Variants in LHX6 observed in about 807,000 individuals in gnomAD.
LHX6 encodes the protein LIM/homeobox protein Lhx6.
LHX6 carries 15 observed loss-of-function variants against 47.1 expected under a neutral mutation model. That is an observed-to-expected ratio of 0.32 (90% CI 0.21 to 0.49). LHX6 has a LOEUF of 0.49. LHX6 is among the 20% of genes least tolerant of loss of function. The pLI is 0.99. For missense variants in LHX6, 404 were observed against 539.6 expected (o/e 0.75, Z 2.49); for synonymous variants, 242 against 233.5 (o/e 1.04, Z -0.33).
chr9:122,209,471 G>GC, intron 9 of LHX6, 143 bp downstream of exon 9: 1 of 1,237,106 alleles, frequency 8.1e-7, no homozygotes, highest in East Asian at 2.5e-5. Flanking sequence ...TGCTGTGGGG[G>GC]TGCGGTGGGG....
chr9:122,226,996 A>G lies in LHX6; in HGVS notation c.191T>C (p.Leu64Pro). ...QSDAEALAGA[L>P]DKDEGQASPC... Reference sequence around the variant, plus strand: ...GGAGGCCTGACCCTCGTCCTTGTCCAGAGCTCCTGCCAGGGCCTCGGCGTC... The same window carrying G: ...GGAGGCCTGACCCTCGTCCTTGTCCGGAGCTCCTGCCAGGGCCTCGGCGTC... Residue 64 changes from leucine (L) to proline (P), a missense_variant, in exon 3 of 10, where the codon CTG becomes CCG. By Grantham distance (98) the Leu-to-Pro change is moderately conservative. Around this residue, in one of 7 missense-constraint regions of LHX6, gnomAD observed 144 missense variants for 128.7 expected, o/e 1.12. Transcript: ENST00000394319. This position sits in a 1 kb window ranked among gnomAD's most constrained non-coding sequence, Gnocchi z 6.5. 6.5e-7 allele frequency: 1 copy of G among 1,530,134 alleles called. No homozygotes were observed. Among genetic ancestry groups the G allele is most frequent in the Non-Finnish European group, 8.8e-7 (1 of 1,135,922 alleles). 94.8% of individuals were successfully genotyped at this position (1,530,134 alleles called of 1,614,324 possible).
rs1192093518 is a variant in LHX6 at position 122,214,410 on chromosome 9, C to A, written c.683-27G>T. The A allele has an allele frequency of 3.9e-6, 6 of 1,533,918 alleles. No individual in the cohort carries two copies. Among genetic ancestry groups the A allele is most frequent in the Non-Finnish European group, 5.2e-6 (6 of 1,145,578 alleles). ...TGGGGGCGATAGAAGCAGCTGACCA[C>A]GCGTCCCCATCTCTTCTAGTGGCAG... On this transcript the variant is annotated intron_variant, in intron 5 of 9. Coordinates refer to ENST00000394319, the MANE Select transcript of LHX6 (RefSeq NM_014368.5). This position sits in a 1 kb window ranked among gnomAD's most constrained non-coding sequence, Gnocchi z 4.6.
Position 122,226,621 on chromosome 9 carries a change from T to A in LHX6, c.340-124A>T, listed in dbSNP as rs1831113051. 1 of 1,403,744 alleles carries A rather than the reference T, an allele frequency of 7.1e-7. No homozygotes were observed. Among genetic ancestry groups the A allele is most frequent in the East Asian group, 2.3e-5 (1 of 42,888 alleles). The allele number at this position is 1,403,744 out of a possible 1,614,324, so 87.0% of individuals were successfully genotyped here. A position where few individuals can be genotyped will look rare whatever the true frequency, so the allele number is the denominator to read the frequency against. On this transcript the variant is annotated intron_variant, in intron 3 of 9. Coordinates refer to ENST00000394319, the MANE Select transcript of LHX6 (RefSeq NM_014368.5). This position sits in a 1 kb window ranked among gnomAD's most constrained non-coding sequence, Gnocchi z 6.5. ...TCAGAAGGTGCATGCGATTCCCCTA[T>A]TTTTCTCCCGTAATACTGAGACTCA...
intron 4 of LHX6, among the ~76,000 whole-genome samples, chr9:122,225,905 C>G (rs535185461): frequency 2.6e-5 from 4 of 152,306 alleles, no homozygotes; most frequent in East Asian, 3.9e-4. Context: ...GGCAAGAGTC[C>G]GAAGCCCAGC....
chr9:122,208,834 TAAAA>T (rs34355404), intron 9 of LHX6, among the ~76,000 whole-genome samples: 7,413 of 117,140 alleles, frequency 0.063, 674 homozygotes, highest in African/African-American at 0.22. Context: ...AAACTCTGTC[TAAAA>T]AAAAAAAAAA....
In LHX6 at chr9:122,214,459, G is replaced by A. The variant is rs1314960021; in HGVS notation, c.683-76C>T. 19 of 1,430,864 alleles carry A rather than the reference G, an allele frequency of 1.3e-5. No homozygotes were observed. The highest frequency in any genetic ancestry group is 1.6e-5 in the Non-Finnish European group (18 of 1,096,744). The allele number at this position is 1,430,864 out of a possible 1,614,324, so 88.6% of individuals were successfully genotyped here. A position where few individuals can be genotyped will look rare whatever the true frequency, so the allele number is the denominator to read the frequency against. On this transcript the variant is annotated intron_variant, in intron 5 of 9. Transcript: ENST00000394319. The surrounding 1 kb of genome is among the most constrained non-coding windows in gnomAD (Gnocchi z 4.6). ...AGCCTGGAAAGGACGGGGGTGGGGG[G>A]AGCTTGTCCCTGGAAGGGTCAGGAG...
At position 122,228,648 on chromosome 9, in the gene LHX6, C is replaced by T; in HGVS notation, c.84+9G>A. The T allele has an allele frequency of 3.8e-6, 5 of 1,307,006 alleles. No individual in the cohort carries two copies. Among genetic ancestry groups the T allele is most frequent in the Non-Finnish European group, 4.9e-6 (5 of 1,030,902 alleles). 81.0% of individuals were successfully genotyped at this position (1,307,006 alleles called of 1,614,324 possible). A position where few individuals can be genotyped will look rare whatever the true frequency, so the allele number is the denominator to read the frequency against. On this transcript the variant is annotated intron_variant, in intron 1 of 9. Coordinates refer to ENST00000394319, the MANE Select transcript of LHX6 (RefSeq NM_014368.5). Reference sequence around the variant, plus strand: ...CCCGGGCCGCTCACCCAGTCGTTCGCCGGCTCACCTGGTCGGTGGCGGGGC... The same window carrying T: ...CCCGGGCCGCTCACCCAGTCGTTCGTCGGCTCACCTGGTCGGTGGCGGGGC...
At chr9:122,215,194 T>C (rs908589675) in intron 5 of LHX6, among the ~76,000 whole-genome samples, 7 of 152,254 alleles carry the variant, frequency 4.6e-5, no homozygotes, top group African/African-American at 1.7e-4. Flanking sequence ...GTTCACAATT[T>C]ATTGTAACTT....
At position 122,218,466 on chromosome 9, in the gene LHX6, CCTT is replaced by C. The variant is rs5900516; in HGVS notation, c.462-1181_462-1179del. Among the ~76,000 whole-genome samples, 999 of 152,260 alleles carry C rather than the reference CCTT, an allele frequency of 6.6e-3. 7 individuals carry two copies. The highest frequency in any genetic ancestry group is 0.021 in the Middle Eastern group (6 of 292). ...TCCCAAGTATCTCTGGGATCCATCT[CCTT>C]CTCACCATCTCCACTGTTGCCCTCC... is the stretch of plus-strand genomic sequence containing the variant. On this transcript the variant is annotated intron_variant, in intron 4 of 9. Coordinates refer to ENST00000394319, the MANE Select transcript of LHX6 (RefSeq NM_014368.5).
At chr9:122,208,442 C>G (rs75059917) in intron 9 of LHX6, among the ~76,000 whole-genome samples, 1 of 152,330 alleles carries the variant, frequency 6.6e-6, no homozygotes, top group East Asian at 1.9e-4. Flanking sequence ...AGGGACCACA[C>G]TTTACTTGTT....
chr9:122,209,134 G>A (rs910330990), intron 9 of LHX6, among the ~76,000 whole-genome samples: 3 of 152,228 alleles, frequency 2.0e-5, no homozygotes, highest in African/African-American at 4.8e-5. Context: ...TTTTAGAAGT[G>A]CAGTCCTAAA....
chr9:122,211,700 T>C (rs779620935), intron 8 of LHX6, among the ~76,000 whole-genome samples: 2 of 152,158 alleles, frequency 1.3e-5, no homozygotes, highest in African/African-American at 2.4e-5. Flanking sequence ...AGAGGGCACC[T>C]CAGCCTCTTC....
intron 4 of LHX6, among the ~76,000 whole-genome samples, chr9:122,218,755 A>T (rs1830694698): frequency 6.6e-6 from 1 of 151,968 alleles, no homozygotes; most frequent in Non-Finnish European, 1.5e-5. Flanking sequence ...AACCTTCAAG[A>T]TATGCCGCCC....
chr9:122,211,450 G>T (rs1397259243), intron 8 of LHX6, among the ~76,000 whole-genome samples: 1 of 152,152 alleles, frequency 6.6e-6, no homozygotes, highest in East Asian at 1.9e-4. Context: ...TCAGTATTCT[G>T]TGACTTTAGT....
At chr9:122,212,577 G>T (rs1463025785) in intron 8 of LHX6, among the ~76,000 whole-genome samples, 2 of 152,126 alleles carry the variant, frequency 1.3e-5, no homozygotes, top group Non-Finnish European at 2.9e-5. Flanking sequence ...AACTTCAAAG[G>T]GAAAGACAAT....
rs921995522 is a variant in LHX6 at position 122,203,683 on chromosome 9, C to T, written c.*1077G>A. 6.6e-6 allele frequency: 1 copy of T among 152,654 alleles called. No homozygotes were observed. Among genetic ancestry groups the T allele is most frequent in the Non-Finnish European group, 1.5e-5 (1 of 68,086 alleles). The allele number at this position is 152,654 out of a possible 1,614,324, so 9.5% of individuals were successfully genotyped here. ...AAGTATTGATTGGGAAGCTCAGAGG[C>T]ACCAGTTGGAATCCTGAGCTTGGCA... On this transcript the variant is annotated 3_prime_UTR_variant, in exon 10 of 10. Coordinates refer to ENST00000394319, the MANE Select transcript of LHX6 (RefSeq NM_014368.5).
In LHX6 at chr9:122,214,199, G is replaced by A. The variant is rs1204822434; in HGVS notation, c.783+84C>T. ...CCGCCCCGCCACCCGGGTCCGGCCC[G>A]AGGGGCGGAGCCAGGAGACATTGTC... On this transcript the variant is annotated intron_variant, in intron 6 of 9. Transcript: ENST00000394319. The surrounding 1 kb of genome is among the most constrained non-coding windows in gnomAD (Gnocchi z 4.6). The A allele has an allele frequency of 3.0e-6, 3 of 986,576 alleles. No individual in the cohort carries two copies. The highest frequency in any genetic ancestry group is 3.5e-5 in the African/African-American group (2 of 57,570). 61.1% of individuals were successfully genotyped at this position (986,576 alleles called of 1,614,324 possible).
At chr9:122,227,240 C>A (rs866734051) in intron 2 of LHX6, 169 bp downstream of exon 2, 5 of 815,572 alleles carry the variant, frequency 6.1e-6, no homozygotes, top group Non-Finnish European at 9.0e-6. Context: ...GTGCTGGGAG[C>A]GGTTAAAGCC....
chr9:122,227,501 A>G, intron 1 of LHX6, 21 bp from the exon 2 acceptor site: 1 of 1,523,410 alleles, frequency 6.6e-7, no homozygotes, highest in East Asian at 2.5e-5. Flanking sequence ...GGGGGAGGGA[A>G]CGCAGGCGGC....
Sources: gnomAD v4.1 joint callset for allele counts (sites outside exome capture counted in the v4.1 genomes callset) on GRCh38, gnomAD v4.1.1 for gene constraint, gnomAD v4.1.1 regional missense constraint, Gnocchi (gnomAD v3.1) non-coding constraint, MANE v1.5 for transcripts, NCBI Gene and HGNC (gene_info 2026-07-23, HGNC 2026-07-21) for gene names.